Variants in EEF1D observed in about 807,000 individuals in gnomAD.
The protein encoded by EEF1D is eukaryotic translation elongation factor 1 delta.
Under a neutral mutation model 63.9 loss-of-function variants are expected in EEF1D, and 47 were observed. That is an observed-to-expected ratio of 0.74 (90% confidence interval 0.58 to 0.94). The LOEUF is 0.94. EEF1D is among the 40% of genes least tolerant of loss of function. The probability of loss-of-function intolerance (pLI) is 0.00; values close to 1 mark genes in which losing one functional copy is unlikely to be tolerated. For synonymous variants in EEF1D, 412 were observed against 386.1 expected (o/e 1.07, Z -0.79); for missense variants, 907 against 899.0 (o/e 1.01, Z -0.11).
At chr8:143,580,838 C>A in intron 7 of EEF1D, 111 bp from the exon 8 acceptor site, 1 of 1,315,760 alleles carries the variant, frequency 7.6e-7, no homozygotes, top group South Asian at 1.2e-5. Context: ...GAAGGGCAGC[C>A]CCTGTGTACC....
At chr8:143,592,050 C>T in intron 2 of EEF1D, 1 of 985,456 alleles carries the variant, frequency 1.0e-6, no homozygotes, top group South Asian at 4.7e-5. Flanking sequence ...TCCCTAGGCT[C>T]CCCTGCTCAT....
At chr8:143,592,476 G>C (rs1828140653) in intron 2 of EEF1D, among the ~76,000 whole-genome samples, 171 bp downstream of exon 2, 1 of 152,154 alleles carries the variant, frequency 6.6e-6, no homozygotes, top group Non-Finnish European at 1.5e-5. Context: ...CCCACCTGCT[G>C]CTGCCCCATC....
At position 143,589,598 on chromosome 8, in the gene EEF1D, C is replaced by T; in HGVS notation, c.484G>A (p.Gly162Arg). 6.6e-7 allele frequency: 1 copy of T among 1,526,380 alleles called. No homozygotes were observed. The highest frequency in any genetic ancestry group is 1.3e-5 in the South Asian group (1 of 78,166). The allele number at this position is 1,526,380 out of a possible 1,614,324, so 94.6% of individuals were successfully genotyped here. A position where few individuals can be genotyped will look rare whatever the true frequency, so the allele number is the denominator to read the frequency against. ...NQVACHHVTW[G>R]IWVNKSSFDQ... ...AAGGAGGACTTGTTGACCCAGATCC[C>T]CCAGGTCACGTGGTGGCAGGCCACC... Residue 162 changes from glycine (G) to arginine (R), a missense_variant, in exon 3 of 10, where the codon GGG becomes AGG. By Grantham distance (125) the Gly-to-Arg change is moderately radical. Transcript: ENST00000618139.
At chr8:143,586,007 C>T (rs1439853953) in intron 5 of EEF1D, 14 of 473,052 alleles carry the variant, frequency 3.0e-5, no homozygotes, top group East Asian at 1.6e-4. Context: ...AGCCGGCAGA[C>T]GAGGTAAGCA....
chr8:143,592,560 G>A (rs1828152983), intron 2 of EEF1D, 87 bp downstream of exon 2: 13 of 971,618 alleles, frequency 1.3e-5, no homozygotes, highest in Non-Finnish European at 1.5e-5. Flanking sequence ...TGCGCAGGTG[G>A]TGCTGGGTTC....
At chr8:143,592,578 T>C in intron 2 of EEF1D, 69 bp downstream of exon 2, 9 of 981,340 alleles carry the variant, frequency 9.2e-6, no homozygotes, top group Non-Finnish European at 9.7e-6. Flanking sequence ...TTCCCTCAGG[T>C]GCAGCGAGGG....
chr8:143,592,004 G>C (rs953255180), intron 2 of EEF1D: 5 of 978,314 alleles, frequency 5.1e-6, no homozygotes, highest in Non-Finnish European at 6.1e-6. Flanking sequence ...ACGAGGAACC[G>C]GGGCCCATGG....
chr8:143,592,516 T>G, intron 2 of EEF1D, 131 bp downstream of exon 2: 1 of 852,556 alleles, frequency 1.2e-6, no homozygotes, highest in Non-Finnish European at 1.4e-6. Flanking sequence ...ACTTTCCAGA[T>G]GGGAAACTGA....
chr8:143,586,425 G>C, intron 4 of EEF1D, 135 bp from the exon 5 acceptor site: 1 of 866,090 alleles, frequency 1.2e-6, no homozygotes, highest in African/African-American at 1.7e-5. Context: ...GAGCTTGGCG[G>C]GCCAGAAAAG....
At chr8:143,582,731 A>G (rs866566068) in intron 5 of EEF1D, 5 of 93,076 alleles carry the variant, frequency 5.4e-5, no homozygotes, top group Middle Eastern at 4.8e-3. Flanking sequence ...TTTGATGCTG[A>G]CTCAGGGGGG....
In EEF1D at chr8:143,586,825, T is replaced by A. The variant is rs1273480349; in HGVS notation, c.1119A>T (p.Ala373=). 6.2e-7 allele frequency: 1 copy of A among 1,614,044 alleles called. No individual in the cohort carries two copies. The highest frequency in any genetic ancestry group is 1.3e-5 in the African/African-American group (1 of 74,952). The change falls in exon 4 of 10, where the codon GCA becomes GCT. Residue 373 remains alanine (A), a synonymous_variant. Coordinates refer to ENST00000618139, the MANE Select transcript of EEF1D (RefSeq NM_001130053.5). ...PNRKMATNFL[A]HEKIWFDKFK... Reference sequence around the variant, plus strand: ...ACTTGTCGAACCAGATCTTCTCATGTGCTAGGAAGTTTGTAGCCATTTTTC... The same window carrying A: ...ACTTGTCGAACCAGATCTTCTCATGAGCTAGGAAGTTTGTAGCCATTTTTC...
At chr8:143,588,900 C>G in intron 3 of EEF1D, 91 bp downstream of exon 3, 3 of 1,466,536 alleles carry the variant, frequency 2.0e-6, no homozygotes, top group Non-Finnish European at 2.7e-6. Context: ...CCCAGGTGGG[C>G]AGGGGAGGAA....
intron 2 of EEF1D, chr8:143,590,499 A>G (rs1827768800): frequency 8.6e-7 from 1 of 1,166,760 alleles, no homozygotes; most frequent in Non-Finnish European, 1.1e-6. Flanking sequence ...TCCACAGGCC[A>G]GGCCTGGCCA....
intron 3 of EEF1D, chr8:143,587,474 T>G (rs569975406): frequency 1.3e-5 from 2 of 152,432 alleles, no homozygotes; most frequent in Admixed American, 1.3e-4. Flanking sequence ...GGACTACCAG[T>G]GCACACCACT....
In EEF1D at chr8:143,589,249, C is replaced by G. The variant is rs547351853; in HGVS notation, c.833G>C (p.Arg278Pro). ...AEGARRGRRD[R>P]RGRNILGNKR... is the part of the protein sequence containing the mutation. ...GTTCCCTAAGATGTTGCGGCCCCGC[C>G]GGTCTCTGCGGCCCCGCCGGGCACC... The change falls in exon 3 of 10, where the codon CGG (arginine) becomes CCG (proline). Residue 278 changes from arginine (R) to proline (P), a missense_variant. Transcript: ENST00000618139. 1 of 1,582,134 alleles carries G rather than the reference C, an allele frequency of 6.3e-7. No individual in the cohort carries two copies. The highest frequency in any genetic ancestry group is 8.6e-7 in the Non-Finnish European group (1 of 1,162,420).
Position 143,580,382 on chromosome 8 carries a change from C to T in EEF1D, c.1710+124G>A, listed in dbSNP as rs568437864. On this transcript the variant is annotated intron_variant, in intron 8 of 9. Transcript: ENST00000618139. ...CTCCAAGTTTGTGTTTATCCCAAGA[C>T]TTCTAAACTCGGCTTTAAAGTCTCC... The T allele has an allele frequency of 1.4e-5, 18 of 1,323,218 alleles. No homozygotes were observed. In the South Asian group the frequency reaches 2.1e-4, roughly 15 times the overall value. 82.0% of individuals were successfully genotyped at this position (1,323,218 alleles called of 1,614,324 possible).
chr8:143,586,303 C>A lies in EEF1D; in HGVS notation c.1216-13G>T. ...TGGCGCCGTTCTCCTGCAGACAGTGCAGAAAGAACCAGTCTTTTTTTTATT... is the reference window on the plus strand; with the variant it reads ...TGGCGCCGTTCTCCTGCAGACAGTGAAGAAAGAACCAGTCTTTTTTTTATT... On this transcript the variant is annotated splice_polypyrimidine_tract_variant and intron_variant, in intron 4 of 9. Transcript: ENST00000618139. 2 of 1,539,700 alleles carry A rather than the reference C, an allele frequency of 1.3e-6. No individual in the cohort carries two copies. The highest frequency in any genetic ancestry group is 1.7e-6 in the Non-Finnish European group (2 of 1,148,384).
At chr8:143,580,422 G>A in intron 8 of EEF1D, 84 bp downstream of exon 8, 1 of 1,484,512 alleles carries the variant, frequency 6.7e-7, no homozygotes, top group Non-Finnish European at 9.3e-7. Flanking sequence ...AACCCAGAGG[G>A]CAGGGGGAGG....
In EEF1D at chr8:143,579,748, G is replaced by A. The variant is rs746253244; in HGVS notation, c.*44C>T. ...AGAGGGCCGGTCTCAGTCTTTAATC[G>A]TGGCAGGGCCTCACGCACGCGCGCA... On this transcript the variant is annotated 3_prime_UTR_variant, in exon 10 of 10. Coordinates refer to ENST00000618139, the MANE Select transcript of EEF1D (RefSeq NM_001130053.5). 27 of 1,511,180 alleles carry A rather than the reference G, an allele frequency of 1.8e-5. No homozygotes were observed. Among genetic ancestry groups the A allele is most frequent in the South Asian group, 8.0e-5 (6 of 74,818 alleles). The allele number at this position is 1,511,180 out of a possible 1,614,324, so 93.6% of individuals were successfully genotyped here. A position where few individuals can be genotyped will look rare whatever the true frequency, so the allele number is the denominator to read the frequency against.
Sources: gnomAD v4.1 joint callset for allele counts (sites outside exome capture counted in the v4.1 genomes callset) on GRCh38, gnomAD v4.1.1 for gene constraint, MANE v1.5 for transcripts, NCBI Gene and HGNC (gene_info 2026-07-23, HGNC 2026-07-21) for gene names.